The following CUX1 variants were observed in gnomAD, a reference collection of about 807,000 sequenced individuals.
The protein encoded by CUX1 is protein CASP.
A neutral mutation model predicts 158.8 loss-of-function variants in CUX1; 31 were observed. That is an observed-to-expected ratio of 0.20 (90% CI 0.15 to 0.26). The LOEUF (loss-of-function observed/expected upper bound fraction) is 0.26. Ranked by LOEUF, CUX1 falls within the 10% of genes least tolerant of loss-of-function variation. The pLI is 1.00. For missense variants in CUX1, 1,589 were observed against 2,014.6 expected, an observed-to-expected ratio of 0.79 and a Z score of 4.04; for synonymous variants, 879 against 862.1, an observed-to-expected ratio of 1.02 and a Z score of -0.34.
At chr7:102,030,240 G>T (rs1820568520) in intron 3 of CUX1, among the ~76,000 whole-genome samples, 1 of 152,118 alleles carries the variant, frequency 6.6e-6, no homozygotes, top group African/African-American at 2.4e-5. Flanking sequence ...TCTCATTCCT[G>T]ACCTCAGGTG....
chr7:101,864,425 G>A (rs1797752633), intron 1 of CUX1, among the ~76,000 whole-genome samples: 1 of 152,120 alleles, frequency 6.6e-6, no homozygotes, highest in South Asian at 2.1e-4. Flanking sequence ...GTCTCCCAAA[G>A]TGCTGGGGTT....
At chr7:102,280,079 T>C in exon 19 of CUX1, 2 of 1,610,810 alleles carry the variant, frequency 1.2e-6, no homozygotes, top group Non-Finnish European at 1.7e-6. Context: ...CTCGTCCCAG[T>C]ACGAGGAGCG....
At position 102,253,525 on chromosome 7, in the gene CUX1, T is replaced by C; in HGVS notation, c.*4483T>C. The C allele has an allele frequency of 5.1e-6, 5 of 985,480 alleles. No individual in the cohort carries two copies. The highest frequency in any genetic ancestry group is 6.0e-6 in the Non-Finnish European group (5 of 829,944). 61.0% of individuals were successfully genotyped at this position (985,480 alleles called of 1,614,324 possible). Reference sequence around the variant, plus strand: ...TGTCCTTTGATGCAAGGGTGATCAATGAACTCTGTTGACATTCTATGCAAT... The same window carrying C: ...TGTCCTTTGATGCAAGGGTGATCAACGAACTCTGTTGACATTCTATGCAAT... On this transcript the variant is annotated 3_prime_UTR_variant, in exon 24 of 24. Transcript: ENST00000292535.
Position 102,257,846 on chromosome 7 carries a change from C to T in CUX1, c.*8804C>T. Reference sequence around the variant, plus strand: ...CAATCACAGATTTTTTTCTCCAATCCTCACAGAGACCCAATTGACCAAAAA... The same window carrying T: ...CAATCACAGATTTTTTTCTCCAATCTTCACAGAGACCCAATTGACCAAAAA... On this transcript the variant is annotated 3_prime_UTR_variant, in exon 24 of 24. Coordinates refer to ENST00000292535, the MANE Select transcript of CUX1 (RefSeq NM_181552.4). 2 of 983,690 alleles carry T rather than the reference C, an allele frequency of 2.0e-6. No individual in the cohort carries two copies. Among genetic ancestry groups the T allele is most frequent in the Non-Finnish European group, 2.4e-6 (2 of 829,684 alleles). 60.9% of individuals were successfully genotyped at this position (983,690 alleles called of 1,614,324 possible).
At chr7:102,098,509 G>C (rs1482854030) in intron 5 of CUX1, among the ~76,000 whole-genome samples, 3 of 152,118 alleles carry the variant, frequency 2.0e-5, no homozygotes, top group African/African-American at 7.2e-5. Context: ...CACTCAAGAG[G>C]CTGAGGCGGG....
rs1398602219 is a variant in CUX1, at chr7:102,256,469, C to T, written c.*7427C>T. 1 of 985,328 alleles carries T rather than the reference C, an allele frequency of 1.0e-6. No individual in the cohort carries two copies. Among genetic ancestry groups the T allele is most frequent in the Non-Finnish European group, 1.2e-6 (1 of 829,954 alleles). The allele number at this position is 985,328 out of a possible 1,614,324, so 61.0% of individuals were successfully genotyped here. A position where few individuals can be genotyped will look rare whatever the true frequency, so the allele number is the denominator to read the frequency against. On this transcript the variant is annotated 3_prime_UTR_variant, in exon 24 of 24. Transcript: ENST00000292535. Reference sequence around the variant, plus strand: ...TCCTCTGCCTTCCTCTCCTCCCCTACTCCCCCAGAGAACCAAGGCGTCTGG... The same window carrying T: ...TCCTCTGCCTTCCTCTCCTCCCCTATTCCCCCAGAGAACCAAGGCGTCTGG...
rs142830234 is a variant in CUX1, at chr7:102,107,674, A to T, written c.530+3215A>T. On this transcript the variant is annotated intron_variant, in intron 6 of 23. Coordinates refer to ENST00000292535, the MANE Select transcript of CUX1 (RefSeq NM_181552.4). ...TGCCCAGAATGGATCTGCAATGTAG[A>T]CCATCTCTTTTCATAGAGGGAGAAA... Among the ~76,000 whole-genome samples the T allele has an allele frequency of 4.4e-4, 67 of 152,356 alleles. 1 individual carries two copies. The East Asian group carries it at 0.013, about 28-fold the overall frequency.
chr7:102,144,311 G>GT lies in CUX1; in HGVS notation c.675-14243dup, dbSNP rs1834791132. Among the ~76,000 whole-genome samples the GT allele has an allele frequency of 2.6e-5, 4 of 152,166 alleles. No homozygotes were observed. In the South Asian group the frequency reaches 8.3e-4, roughly 32 times the overall value. The stretch of plus-strand genomic sequence containing the variant: ...TTCACTTTTTTTGTTGTCTTATTGG[G>GT]TTTTTTGTTTATGTTTCATATGTTA... On this transcript the variant is annotated intron_variant, in intron 8 of 23. Coordinates refer to ENST00000292535, the MANE Select transcript of CUX1 (RefSeq NM_181552.4).
At chr7:102,194,222 T>C (rs1433467168) in intron 13 of CUX1, 1 of 313,090 alleles carries the variant, frequency 3.2e-6, no homozygotes, top group African/African-American at 2.2e-5. Flanking sequence ...GAAAAGCTAG[T>C]GTTTTCCAAA....
intron 3 of CUX1, among the ~76,000 whole-genome samples, chr7:102,050,263 C>T (rs17410356): frequency 2.6e-5 from 4 of 152,188 alleles, no homozygotes; most frequent in South Asian, 2.1e-4. Context: ...CGCAGAGCAG[C>T]GACGTTATAT....
chr7:102,193,767 A>T (rs782153433), intron 12 of CUX1, 75 bp from the exon 13 acceptor site: 7 of 1,493,324 alleles, frequency 4.7e-6, no homozygotes, highest in Non-Finnish European at 6.4e-6. Context: ...GCGCCACTGC[A>T]CTCTAGCCTG....
At chr7:102,268,343 C>G (rs1320562037) in intron 14 of CUX1, among the ~76,000 whole-genome samples, 3 of 152,198 alleles carry the variant, frequency 2.0e-5, no homozygotes, top group African/African-American at 7.2e-5. Flanking sequence ...ATGCCCCCAC[C>G]ACCTCGACGA....
chr7:101,816,191 G>GC (rs997719873), upstream of CUX1: 1 of 426,178 alleles, frequency 2.3e-6, no homozygotes, highest in African/African-American at 2.2e-5. Context: ...CCGCCGGGGG[G>GC]CCCGCGGCGG....
chr7:101,985,273 A>AG (rs1814137544), intron 2 of CUX1, among the ~76,000 whole-genome samples: 1 of 151,582 alleles, frequency 6.6e-6, no homozygotes, highest in Non-Finnish European at 1.5e-5. Flanking sequence ...CAGACGGGAG[A>AG]GGGGGGTCGT....
chr7:102,015,417 G>A (rs1327979256), intron 2 of CUX1, among the ~76,000 whole-genome samples: 1 of 152,020 alleles, frequency 6.6e-6, no homozygotes, highest in Non-Finnish European at 1.5e-5. Flanking sequence ...AAGTAGAGAC[G>A]GGGTTTCACT....
At chr7:102,176,473 T>C (rs1792350537) in intron 10 of CUX1, among the ~76,000 whole-genome samples, 1 of 149,100 alleles carries the variant, frequency 6.7e-6, no homozygotes. Context: ...AGCTCTGCCC[T>C]CTCCACCCCT....
At chr7:102,235,171 T>C (rs1009424046) in intron 22 of CUX1, among the ~76,000 whole-genome samples, 2 of 152,156 alleles carry the variant, frequency 1.3e-5, no homozygotes, top group Non-Finnish European at 2.9e-5. Flanking sequence ...ATAGGAAAAA[T>C]GCCTAAAGCC....
intron 8 of CUX1, among the ~76,000 whole-genome samples, chr7:102,127,099 G>A (rs376651127): frequency 5.9e-5 from 9 of 152,356 alleles, no homozygotes; most frequent in African/African-American, 1.4e-4. Context: ...AAATACAGAC[G>A]AAGCTTCCCT....
chr7:102,281,702 T>C (rs1554549290), intron 20 of CUX1: 24 of 653,482 alleles, frequency 3.7e-5, no homozygotes, highest in Non-Finnish European at 3.9e-5. Context: ...CCCTGGCCCA[T>C]AATGATGGAA....
Sources: allele counts gnomAD v4.1 joint callset (sites outside exome capture counted in the v4.1 genomes callset), GRCh38; gene constraint gnomAD v4.1.1; transcripts MANE v1.5; gene names NCBI Gene and HGNC (gene_info 2026-07-23, HGNC 2026-07-21).